SENP2: variants seen among roughly 807,000 people sequenced by gnomAD.
The protein encoded by SENP2 is sentrin-specific protease 2.
A neutral mutation model predicts 86.3 loss-of-function variants in SENP2; 16 were observed. The observed-to-expected ratio is 0.19, with a 90% CI of 0.13 to 0.28. The LOEUF is 0.28. Ranked by LOEUF, SENP2 falls within the 10% of genes least tolerant of loss-of-function variation. SENP2 has a pLI of 1.00. For synonymous variants in SENP2, 222 were observed against 238.7 expected (o/e 0.93, Z 0.64); for missense variants, 552 against 703.0 (o/e 0.79, Z 2.43).
Position 185,626,406 on chromosome 3 carries a change from C to T in SENP2, c.1707+13C>T. 6.5e-7 allele frequency: 1 copy of T among 1,532,874 alleles called. No homozygotes were observed. The highest frequency in any genetic ancestry group is 9.0e-7 in the Non-Finnish European group (1 of 1,108,528). 95.0% of individuals were successfully genotyped at this position (1,532,874 alleles called of 1,614,324 possible). The stretch of plus-strand genomic sequence containing the variant: ...CACATTTACTCAGGTGAGTGAAGAC[C>T]CTCTTCATCCATTTACTTGTTACTA... On this transcript the variant is annotated intron_variant, in intron 16 of 16. Transcript: ENST00000296257.
chr3:185,613,483 G>T (rs1052579326), intron 10 of SENP2, 75 bp downstream of exon 10: 7 of 883,394 alleles, frequency 7.9e-6, no homozygotes, highest in South Asian at 1.5e-5. Flanking sequence ...TGAAAAGCAA[G>T]AAAAAGTATA....
At chr3:185,606,531 A>C in intron 6 of SENP2, 33 bp downstream of exon 6, 1 of 1,530,494 alleles carries the variant, frequency 6.5e-7, no homozygotes, top group Non-Finnish European at 8.8e-7. Flanking sequence ...CTTTAAAAAA[A>C]ATTTTACAGC....
chr3:185,628,592 C>T (rs552416913), intron 16 of SENP2, among the ~76,000 whole-genome samples: 55 of 152,310 alleles, frequency 3.6e-4, no homozygotes, highest in African/African-American at 1.1e-3. Flanking sequence ...CTGCAACCTC[C>T]GCCTCCCGGG....
At chr3:185,606,612 A>G (rs1434272198) in intron 6 of SENP2, 114 bp downstream of exon 6, 2 of 910,132 alleles carry the variant, frequency 2.2e-6, no homozygotes, top group Non-Finnish European at 3.2e-6. Flanking sequence ...AGGTTTTCCT[A>G]CAATACAGCC....
intron 15 of SENP2, 68 bp downstream of exon 15, chr3:185,624,150 G>A: frequency 9.3e-7 from 1 of 1,078,118 alleles, no homozygotes; most frequent in African/African-American, 1.6e-5. Flanking sequence ...TCTAGATTTG[G>A]CTCCCTTCCT....
intron 13 of SENP2, among the ~76,000 whole-genome samples, chr3:185,620,160 A>T (rs778408044): frequency 4.0e-5 from 6 of 151,510 alleles, no homozygotes; most frequent in Non-Finnish European, 7.4e-5. Context: ...CCTCCTGGGC[A>T]CAAGTGATCC....
At chr3:185,609,951 T>C (rs1722631221) in intron 7 of SENP2, among the ~76,000 whole-genome samples, 1 of 152,042 alleles carries the variant, frequency 6.6e-6, no homozygotes, top group East Asian at 1.9e-4. Context: ...TAAATAATGA[T>C]TTAAGCAAAT....
intron 1 of SENP2, among the ~76,000 whole-genome samples, chr3:185,589,145 A>G (rs1721897743): frequency 6.6e-6 from 1 of 151,968 alleles, no homozygotes; most frequent in African/African-American, 2.4e-5. Flanking sequence ...ATATACTATG[A>G]CCCTTTAGCA....
In SENP2 at chr3:185,632,213, G is replaced by GTTTTTTTTTGTTTGT. The variant is rs1712506210; in HGVS notation, c.*2378_*2379insGTTTGTTTTTTTTTT. ...CAAATTATCACCATTAAAGCCAGTG[G>GTTTTTTTTTGTTTGT]TTTTTTTTTTGTTTTTTTTTTTTGT... is the stretch of plus-strand genomic sequence containing the variant. On this transcript the variant is annotated 3_prime_UTR_variant, in exon 17 of 17. Transcript: ENST00000296257. The GTTTTTTTTTGTTTGT allele has an allele frequency of 5.6e-5, 7 of 125,322 alleles. No individual in the cohort carries two copies. The highest frequency in any genetic ancestry group is 1.2e-4 in the African/African-American group (4 of 33,022). The allele number at this position is 125,322 out of a possible 1,614,324, so 7.8% of individuals were successfully genotyped here.
At chr3:185,628,968 A>G (rs996537752) in intron 16 of SENP2, among the ~76,000 whole-genome samples, 2 of 152,250 alleles carry the variant, frequency 1.3e-5, no homozygotes, top group African/African-American at 4.8e-5. Context: ...GTTGCCAAAT[A>G]GCAAAGCAGT....
chr3:185,597,658 G>GTT (rs879305349), intron 2 of SENP2, among the ~76,000 whole-genome samples: 11 of 140,232 alleles, frequency 7.8e-5, no homozygotes, highest in African/African-American at 2.6e-4. Context: ...GTCTGGCCCA[G>GTT]TTTTTTTTTT....
At chr3:185,619,934 A>C (rs573361656) in intron 13 of SENP2, among the ~76,000 whole-genome samples, 2 of 151,346 alleles carry the variant, frequency 1.3e-5, no homozygotes, top group East Asian at 3.9e-4. Context: ...GAGTCTTGCT[A>C]TGTTGCCCTG....
At chr3:185,619,210 A>G in intron 12 of SENP2, 89 bp from the exon 13 acceptor site, 1 of 957,728 alleles carries the variant, frequency 1.0e-6, no homozygotes, top group Non-Finnish European at 1.6e-6. Context: ...TTAGTACCTT[A>G]CCTTCGAATT....
intron 15 of SENP2, 68 bp downstream of exon 15, chr3:185,624,150 G>T: frequency 2.8e-6 from 3 of 1,078,120 alleles, no homozygotes; most frequent in South Asian, 1.4e-5. Context: ...TCTAGATTTG[G>T]CTCCCTTCCT....
At chr3:185,605,762 T>G (rs35161796) in intron 5 of SENP2, among the ~76,000 whole-genome samples, 1,648 of 152,122 alleles carry the variant, frequency 0.011, 16 homozygotes, top group Non-Finnish European at 0.017. Context: ...TTGTTGGTAA[T>G]GGCAGGAAAG....
intron 1 of SENP2, among the ~76,000 whole-genome samples, chr3:185,589,572 T>G (rs930628919): frequency 6.6e-6 from 1 of 152,246 alleles, no homozygotes; most frequent in Non-Finnish European, 1.5e-5. Flanking sequence ...GGTAAGAAGT[T>G]TGTTTCTCTC....
rs1173810084 is a variant in SENP2 at position 185,590,102 on chromosome 3, T to C, written c.102-12T>C. 6.8e-7 allele frequency: 1 copy of C among 1,473,474 alleles called. No individual in the cohort carries two copies. The highest frequency in any genetic ancestry group is 2.2e-5 in the Admixed American group (1 of 44,738). The allele number at this position is 1,473,474 out of a possible 1,614,324, so 91.3% of individuals were successfully genotyped here. On this transcript the variant is annotated splice_polypyrimidine_tract_variant and intron_variant, in intron 1 of 16. Coordinates refer to ENST00000296257, the MANE Select transcript of SENP2 (RefSeq NM_021627.3). ...ATCTATATATATATATTTTTTTCTT[T>C]CTCTTTTTCAGCACTCTGTTTTCTA...
Position 185,631,192 on chromosome 3 carries a change from T to C in SENP2, c.*1348T>C, listed in dbSNP as rs925253064. The C allele has an allele frequency of 4.0e-5, 6 of 151,202 alleles. No homozygotes were observed. Among genetic ancestry groups the C allele is most frequent in the East Asian group, 2.0e-4 (1 of 5,074 alleles). 9.4% of individuals were successfully genotyped at this position (151,202 alleles called of 1,614,324 possible). On this transcript the variant is annotated 3_prime_UTR_variant, in exon 17 of 17. Transcript: ENST00000296257. The stretch of plus-strand genomic sequence containing the variant: ...AAAGCAAGAGGTAAAACTGGAAAAA[T>C]TGTGCACGTGTTACCTATGAATCTA...
Position 185,630,031 on chromosome 3 carries a change from T to G in SENP2, c.*187T>G. The G allele has an allele frequency of 3.4e-6, 2 of 593,816 alleles. 1 individual carries two copies. The highest frequency in any genetic ancestry group is 3.9e-5 in the South Asian group (2 of 51,432). The allele number at this position is 593,816 out of a possible 1,614,324, so 36.8% of individuals were successfully genotyped here. On this transcript the variant is annotated 3_prime_UTR_variant, in exon 17 of 17. Transcript: ENST00000296257. ...TTGGGGTGCAGAGGGCTGCTTGCAATCCTGTTTGTAAGGCTGTGCCTGCTC... is the reference window on the plus strand; with the variant it reads ...TTGGGGTGCAGAGGGCTGCTTGCAAGCCTGTTTGTAAGGCTGTGCCTGCTC...
Sources: allele counts gnomAD v4.1 joint callset (sites outside exome capture counted in the v4.1 genomes callset), GRCh38; gene constraint gnomAD v4.1.1; transcripts MANE v1.5; gene names NCBI Gene and HGNC (gene_info 2026-07-23, HGNC 2026-07-21).